The following TTLL8 variants were observed in gnomAD, a reference collection of about 807,000 sequenced individuals.
TTLL8 encodes protein monoglycylase TTLL8.
A neutral mutation model predicts 77.8 loss-of-function variants in TTLL8; 65 were observed. That is an observed-to-expected ratio of 0.84 (90% CI 0.68 to 1.03). The LOEUF is 1.03. Ranked by LOEUF, TTLL8 falls within the 50% of genes least tolerant of loss-of-function variation. TTLL8 has a pLI of 0.00. For missense variants in TTLL8, 910 were observed against 1,004.5 expected, an observed-to-expected ratio of 0.91 and a Z score of 1.27; for synonymous variants, 402 against 422.8, an observed-to-expected ratio of 0.95 and a Z score of 0.60.
At chr22:50,021,844 CATCT>C (rs2061203238) in intron 12 of TTLL8, among the ~76,000 whole-genome samples, 1 of 150,054 alleles carries the variant, frequency 6.7e-6, no homozygotes, top group South Asian at 2.2e-4. Context: ...TGCACTCCTC[CATCT>C]GATATGCACT....
chr22:50,032,159 G>A (rs1356262405), intron 10 of TTLL8, 50 bp from the exon 12 acceptor site: 9 of 1,306,952 alleles, frequency 6.9e-6, no homozygotes, highest in Non-Finnish European at 9.1e-6. Context: ...GCCCAGGAGG[G>A]CACCCAAGGC....
chr22:50,024,232 A>G (rs137881), intron 12 of TTLL8, among the ~76,000 whole-genome samples: 149,323 of 152,234 alleles, frequency 0.98, 73,247 homozygotes, highest in East Asian at 1. Context: ...CACCTCCTGG[A>G]TTCAAGCAAC....
chr22:50,030,213 C>T, intron 12 of TTLL8: 1 of 985,392 alleles, frequency 1.0e-6, no homozygotes, highest in Non-Finnish European at 1.2e-6. Flanking sequence ...CCGGCACTCC[C>T]ACGCCCCCCA....
chr22:50,035,336 A>T (rs1245734631), intron 8 of TTLL8, among the ~76,000 whole-genome samples: 1 of 152,196 alleles, frequency 6.6e-6, no homozygotes, highest in Admixed American at 6.5e-5. Context: ...GACACAGGAC[A>T]TCGGGGTTCC....
At chr22:50,042,105 C>A (rs2061375314) in intron 6 of TTLL8, among the ~76,000 whole-genome samples, 1 of 152,176 alleles carries the variant, frequency 6.6e-6, no homozygotes, top group African/African-American at 2.4e-5. Context: ...TGGGCCCTGC[C>A]ACTGGACCCT....
chr22:50,047,169 T>C (rs745672053), exon 4 of TTLL8: 99 of 1,367,292 alleles, frequency 7.2e-5, no homozygotes, highest in Non-Finnish European at 9.6e-5. Context: ...CCGGCTCACC[T>C]TGGTGGTGAA....
chr22:50,041,733 C>T lies in TTLL8; in HGVS notation c.718G>A (p.Ala240Thr). ...TCATGCTCCAGCTGCCCCAGGTAGG[C>T]CTGGCACACCTTGCACGCGATGTCC... The change falls in exon 7 of 14, where the codon GCC becomes ACC. Residue 240 changes from alanine to threonine, a missense_variant. Physicochemically the swap from Ala to Thr is moderately conservative, Grantham distance 58 (BLOSUM62 0). Transcript: ENST00000266182. This position sits in a 1 kb window ranked among gnomAD's most constrained non-coding sequence, Gnocchi z 4.3. 1 of 1,366,224 alleles carries T rather than the reference C, an allele frequency of 7.3e-7. No individual in the cohort carries two copies. The highest frequency in any genetic ancestry group is 9.8e-7 in the Non-Finnish European group (1 of 1,021,316). 84.6% of individuals were successfully genotyped at this position (1,366,224 alleles called of 1,614,324 possible).
At chr22:50,022,990 C>T (rs556313461) in intron 12 of TTLL8, among the ~76,000 whole-genome samples, 5 of 151,320 alleles carry the variant, frequency 3.3e-5, no homozygotes, top group African/African-American at 1.2e-4. Flanking sequence ...TGTCCATGTA[C>T]AAAATCAGGG....
chr22:50,028,260 C>T (rs1458881518), intron 12 of TTLL8, among the ~76,000 whole-genome samples: 1 of 152,226 alleles, frequency 6.6e-6, no homozygotes, highest in Non-Finnish European at 1.5e-5. Context: ...GGCTAAGCCT[C>T]CAGCTGCCTC....
intron 2 of TTLL8, among the ~76,000 whole-genome samples, chr22:50,049,628 C>G (rs916562907): frequency 1.3e-5 from 2 of 151,896 alleles, no homozygotes; most frequent in African/African-American, 4.8e-5. Context: ...GGAGACAGCC[C>G]GGGATGGGGG....
At chr22:50,021,302 CGAT>C (rs1454890370) in intron 12 of TTLL8, among the ~76,000 whole-genome samples, 2 of 119,038 alleles carry the variant, frequency 1.7e-5, no homozygotes, top group Non-Finnish European at 1.8e-5. Flanking sequence ...CTCCATCTGA[CGAT>C]GTGTACTCCT....
chr22:50,032,318 C>T (rs1390656940), intron 10 of TTLL8, among the ~76,000 whole-genome samples: 2 of 152,210 alleles, frequency 1.3e-5, no homozygotes, highest in Non-Finnish European at 2.9e-5. Context: ...TGGGATTGGC[C>T]AGGCGCACAG....
At chr22:50,042,392 C>T (rs913367165) in intron 6 of TTLL8, among the ~76,000 whole-genome samples, 20 of 152,268 alleles carry the variant, frequency 1.3e-4, no homozygotes, top group African/African-American at 4.6e-4. Flanking sequence ...CTCACTGCAA[C>T]CTCCGCCTCC....
intron 12 of TTLL8, among the ~76,000 whole-genome samples, chr22:50,022,515 G>A (rs1346101757): frequency 6.6e-6 from 1 of 150,944 alleles, no homozygotes; most frequent in East Asian, 2.0e-4. Flanking sequence ...CTGACAATGT[G>A]TACTCCTCCA....
At chr22:50,023,448 G>T (rs1569218917) in intron 12 of TTLL8, among the ~76,000 whole-genome samples, 1 of 152,194 alleles carries the variant, frequency 6.6e-6, no homozygotes, top group African/African-American at 2.4e-5. Context: ...ACTTTGGGAG[G>T]CCGAGGCGGG....
intron 10 of TTLL8, among the ~76,000 whole-genome samples, chr22:50,032,369 C>G (rs909240101): frequency 7.9e-5 from 12 of 152,352 alleles, no homozygotes; most frequent in Admixed American, 1.3e-4. Flanking sequence ...GGCAGGGGGC[C>G]CTGGCTTCTC....
At chr22:50,049,907 G>T in intron 2 of TTLL8, 1 of 335,080 alleles carries the variant, frequency 3.0e-6, no homozygotes, top group Non-Finnish European at 4.2e-6. Context: ...AAGGGAGCAG[G>T]GCTGGGGGCT....
upstream of TTLL8, among the ~76,000 whole-genome samples, chr22:50,057,153 G>GGTCAGGTCTGGAGATGGGA (rs2061475370): frequency 1.0e-5 from 1 of 97,810 alleles, no homozygotes; most frequent in African/African-American, 5.5e-5. Flanking sequence ...TCTGAGTTGG[G>GGTCAGGTCTGGAGATGGGA]GTCAGGTCTG....
upstream of TTLL8, chr22:50,055,255 C>T: frequency 7.8e-7 from 1 of 1,289,822 alleles, no homozygotes; most frequent in Non-Finnish European, 1.0e-6. Flanking sequence ...TTTCTGTTAA[C>T]TGCCTTGCTA....
Sources: allele counts gnomAD v4.1 joint callset (sites outside exome capture counted in the v4.1 genomes callset), GRCh38; gene constraint gnomAD v4.1.1; non-coding constraint Gnocchi (gnomAD v3.1); transcripts MANE v1.5; gene names NCBI Gene and HGNC (gene_info 2026-07-23, HGNC 2026-07-21).